KCNK13: variants seen among roughly 807,000 people sequenced by gnomAD.
KCNK13 encodes potassium channel subfamily K member 13.
In KCNK13, 12 loss-of-function variants were observed where a neutral mutation model predicts 23.4. That is an observed-to-expected ratio of 0.51 (90% CI 0.33 to 0.83). The LOEUF (loss-of-function observed/expected upper bound fraction) is 0.83. Ranked by LOEUF, KCNK13 falls within the 40% of genes least tolerant of loss-of-function variation. The pLI is 0.02. For synonymous variants in KCNK13, 231 were observed against 229.5 expected, an observed-to-expected ratio of 1.01 and a Z score of -0.06; for missense variants, 463 against 556.3, an observed-to-expected ratio of 0.83 and a Z score of 1.69.
chr14:90,156,398 A>G (rs1890195631), intron 1 of KCNK13, among the ~76,000 whole-genome samples: 2 of 152,164 alleles, frequency 1.3e-5, no homozygotes, highest in Admixed American at 1.3e-4. Flanking sequence ...GAAGACAGTG[A>G]CTTAGGAAGA....
rs774145781 is a variant in KCNK13, at chr14:90,184,573, T to C, written c.797T>C (p.Leu266Pro). 1.2e-5 allele frequency: 20 copies of C among 1,614,142 alleles called. No individual in the cohort carries two copies. The highest frequency in any genetic ancestry group is 1.7e-5 in the Non-Finnish European group (20 of 1,180,048). Residue 266 changes from leucine (L) to proline (P), a missense_variant, in exon 2 of 2, where the codon CTC becomes CCC. Coordinates refer to ENST00000282146, the MANE Select transcript of KCNK13 (RefSeq NM_022054.4). This position sits in a 1 kb window ranked among gnomAD's most constrained non-coding sequence, Gnocchi z 5.6. ...LYRFANFVFI[L>P]MGVCCIYSLF... ...CGCTTTGCCAACTTCGTCTTCATCC[T>C]CATGGGTGTCTGCTGCATCTACTCC...
chr14:90,068,995 C>T (rs1192310305), intron 1 of KCNK13, among the ~76,000 whole-genome samples: 1 of 148,286 alleles, frequency 6.7e-6, no homozygotes, highest in Non-Finnish European at 1.5e-5. Context: ...AGCCTCGCCT[C>T]GTATGTGACT....
At chr14:90,120,923 A>G (rs540695989) in intron 1 of KCNK13, among the ~76,000 whole-genome samples, 1 of 145,506 alleles carries the variant, frequency 6.9e-6, no homozygotes, top group South Asian at 2.2e-4. Context: ...CAAGTTAGTT[A>G]CTTCCTAGAT....
chr14:90,180,004 C>G (rs961299893), intron 1 of KCNK13, among the ~76,000 whole-genome samples: 1 of 152,170 alleles, frequency 6.6e-6, no homozygotes, highest in Non-Finnish European at 1.5e-5. Context: ...ACTATGGACA[C>G]TTGGCTAATT....
In KCNK13 at chr14:90,062,474, A is replaced by G. The variant is rs1382459474; in HGVS notation, c.269A>G (p.Asn90Ser). The G allele has an allele frequency of 1.9e-6, 3 of 1,544,166 alleles. No individual in the cohort carries two copies. Among genetic ancestry groups the G allele is most frequent in the Admixed American group, 2.0e-5 (1 of 50,634 alleles). ...EATRAGIRVD[N>S]VRPRWDFTGA... The stretch of plus-strand genomic sequence containing the variant: ...ACTCGGGCCGGCATCCGCGTGGACA[A>G]CGTCCGCCCGCGCTGGGACTTCACC... Residue 90 changes from asparagine (N) to serine (S), a missense_variant, in exon 1 of 2, where the codon AAC (asparagine) becomes AGC (serine). This residue lies in a region of KCNK13 where 153 missense variants were observed against 153.6 expected (regional missense o/e 1.00). Coordinates refer to ENST00000282146, the MANE Select transcript of KCNK13 (RefSeq NM_022054.4). This position sits in a 1 kb window ranked among gnomAD's most constrained non-coding sequence, Gnocchi z 4.5.
At chr14:90,159,761 G>A (rs1214097821) in intron 1 of KCNK13, among the ~76,000 whole-genome samples, 1 of 152,172 alleles carries the variant, frequency 6.6e-6, no homozygotes, top group African/African-American at 2.4e-5. Context: ...TAAAGAAACT[G>A]AGACACATAA....
At chr14:90,085,430 G>A (rs1185781712) in intron 1 of KCNK13, among the ~76,000 whole-genome samples, 6 of 151,488 alleles carry the variant, frequency 4.0e-5, no homozygotes, top group Admixed American at 6.6e-5. Flanking sequence ...AGGCCGAGGC[G>A]AGTGGATCAC....
intron 1 of KCNK13, among the ~76,000 whole-genome samples, chr14:90,152,165 G>A (rs1890140422): frequency 6.6e-6 from 1 of 152,198 alleles, no homozygotes; most frequent in South Asian, 2.1e-4. Flanking sequence ...TCATGGTAGT[G>A]AATGAGTCTC....
intron 1 of KCNK13, among the ~76,000 whole-genome samples, chr14:90,075,920 G>A (rs1566946903): frequency 6.6e-6 from 1 of 152,204 alleles, no homozygotes; most frequent in Non-Finnish European, 1.5e-5. Flanking sequence ...CAGACAGAAA[G>A]TAAAGGCAAA....
chr14:90,116,313 C>CA (rs1889676447), intron 1 of KCNK13, among the ~76,000 whole-genome samples: 1 of 152,222 alleles, frequency 6.6e-6, no homozygotes, highest in African/African-American at 2.4e-5. Context: ...ACTAAGTCAC[C>CA]AAGTATTTGG....
At chr14:90,165,810 T>C (rs1410123028) in intron 1 of KCNK13, among the ~76,000 whole-genome samples, 2 of 152,170 alleles carry the variant, frequency 1.3e-5, no homozygotes, top group Non-Finnish European at 2.9e-5. Flanking sequence ...ATTCCAACCA[T>C]CATCCTGGCT....
In KCNK13 at chr14:90,088,330, AAAAG is replaced by A. The variant is rs59020460; in HGVS notation, c.334+25812_334+25815del. 2.0e-3 allele frequency among the ~76,000 whole-genome samples: 301 copies of A among 147,386 alleles called. 3 individuals carry two copies. The highest frequency in any genetic ancestry group is 4.8e-3 in the East Asian group (23 of 4,826). Reference sequence around the variant, plus strand: ...TGGTAAATGTTTAACAACAAGCTTAAAAAGAAAGAAAGAAAGAAAGAAAGCTCTG... The same window carrying A: ...TGGTAAATGTTTAACAACAAGCTTAAAAAGAAAGAAAGAAAGAAAGCTCTG... On this transcript the variant is annotated intron_variant, in intron 1 of 1. Transcript: ENST00000282146.
At chr14:90,068,568 C>T (rs547390347) in intron 1 of KCNK13, among the ~76,000 whole-genome samples, 2 of 152,168 alleles carry the variant, frequency 1.3e-5, no homozygotes, top group East Asian at 3.9e-4. Flanking sequence ...CATGCCACTG[C>T]CCTCCAGCCT....
chr14:90,066,515 CCTCAGCCTCCCAAAG>C (rs1321369663), intron 1 of KCNK13, among the ~76,000 whole-genome samples: 1 of 151,598 alleles, frequency 6.6e-6, no homozygotes, highest in African/African-American at 2.4e-5. Context: ...GATCCGCCCA[CCTCAGCCTCCCAAAG>C]TGCTGAGATT....
At chr14:90,084,944 A>G (rs1387190080) in intron 1 of KCNK13, among the ~76,000 whole-genome samples, 2 of 151,420 alleles carry the variant, frequency 1.3e-5, no homozygotes, top group Non-Finnish European at 2.9e-5. Flanking sequence ...ATTATTATTC[A>G]TTTATTTATT....
chr14:90,184,464 T>C lies in KCNK13; in HGVS notation c.688T>C (p.Phe230Leu). The change falls in exon 2 of 2, where the codon TTC becomes CTC. Residue 230 changes from phenylalanine (F) to leucine (L), a missense_variant. By Grantham distance (22) the Phe-to-Leu change is conservative. This residue lies in a region of KCNK13 where 144 missense variants were observed against 224.0 expected (regional missense o/e 0.64). Transcript: ENST00000282146. This position sits in a 1 kb window ranked among gnomAD's most constrained non-coding sequence, Gnocchi z 5.6. ...CTGGAGCTACTTTGACTCACTCTAC[T>C]TCTGTTTTGTGGCTTTCAGCACCAT... ...EGWSYFDSLY[F>L]CFVAFSTIGF... The C allele has an allele frequency of 6.2e-7, 1 of 1,614,248 alleles. No individual in the cohort carries two copies.
intron 1 of KCNK13, among the ~76,000 whole-genome samples, chr14:90,090,462 A>G (rs1889331789): frequency 6.6e-6 from 1 of 152,162 alleles, no homozygotes; most frequent in African/African-American, 2.4e-5. Flanking sequence ...CTTGCTTTTG[A>G]TTTTACAGGC....
intron 1 of KCNK13, among the ~76,000 whole-genome samples, chr14:90,160,033 AAC>A (rs1890236780): frequency 6.6e-6 from 1 of 152,086 alleles, no homozygotes; most frequent in Non-Finnish European, 1.5e-5. Flanking sequence ...AGGAGCTTAA[AAC>A]TTAACAGAAA....
intron 1 of KCNK13, among the ~76,000 whole-genome samples, chr14:90,077,906 C>A (rs967474571): frequency 2.0e-5 from 3 of 152,308 alleles, no homozygotes; most frequent in African/African-American, 7.2e-5. Flanking sequence ...CGAAACCTTT[C>A]TTTAGGGCTC....
Sources: gnomAD v4.1 joint callset for allele counts (sites outside exome capture counted in the v4.1 genomes callset) on GRCh38, gnomAD v4.1.1 for gene constraint, gnomAD v4.1.1 regional missense constraint, Gnocchi (gnomAD v3.1) non-coding constraint, MANE v1.5 for transcripts, NCBI Gene and HGNC (gene_info 2026-07-23, HGNC 2026-07-21) for gene names.